HERC2: variants seen among roughly 807,000 people sequenced by gnomAD.
The protein encoded by HERC2 is E3 ubiquitin-protein ligase HERC2.
In HERC2, 102 loss-of-function variants were observed where a neutral mutation model predicts 537.7. The observed-to-expected ratio is 0.19, with a 90% CI of 0.16 to 0.22. The LOEUF is 0.22. Ranked by LOEUF, HERC2 falls within the 10% of genes least tolerant of loss-of-function variation. HERC2 has a pLI of 1.00. For missense variants in HERC2, 4,236 were observed against 6,198.2 expected (o/e 0.68, Z 10.63); for synonymous variants, 2,224 against 2,466.2 (o/e 0.90, Z 2.91).
At chr15:28,238,877 T>C (rs1902744959) in intron 23 of HERC2, 105 bp from the exon 24 acceptor site, 4 of 824,266 alleles carry the variant, frequency 4.9e-6, no homozygotes, top group Non-Finnish European at 8.5e-6. Flanking sequence ...AAACCCACAA[T>C]CACAATGGGA....
At chr15:28,131,972 A>T in intron 81 of HERC2, 128 bp downstream of exon 81, 1 of 699,750 alleles carries the variant, frequency 1.4e-6, no homozygotes, top group Non-Finnish European at 2.3e-6. Flanking sequence ...AGGAGGTTAA[A>T]GTGCTCCTAA....
intron 52 of HERC2, among the ~76,000 whole-genome samples, chr15:28,193,343 A>T (rs1418450386): frequency 6.6e-6 from 1 of 152,236 alleles, no homozygotes; most frequent in Non-Finnish European, 1.5e-5. Context: ...AAATTGAATA[A>T]TTAAAATTAA....
At chr15:28,199,589 T>C (rs999140949) in intron 48 of HERC2, among the ~76,000 whole-genome samples, 1 of 152,184 alleles carries the variant, frequency 6.6e-6, no homozygotes. Context: ...AAAATCACTA[T>C]GGTGCAGCCC....
At chr15:28,296,769 G>C (rs1372660872) in intron 3 of HERC2, among the ~76,000 whole-genome samples, 2 of 150,342 alleles carry the variant, frequency 1.3e-5, no homozygotes, top group South Asian at 2.1e-4. Flanking sequence ...TCAGCATCCA[G>C]AGGTCCAGAA....
chr15:28,269,868 T>A (rs1208914261), intron 10 of HERC2, among the ~76,000 whole-genome samples: 1 of 152,224 alleles, frequency 6.6e-6, no homozygotes, highest in South Asian at 2.1e-4. Flanking sequence ...ACTAGGTGCA[T>A]CCCCACCTGT....
rs754102243 is a variant in HERC2, at chr15:28,113,669, T to C, written c.13923A>G (p.Glu4641=). 1 of 1,613,884 alleles carries C rather than the reference T, an allele frequency of 6.2e-7. No individual in the cohort carries two copies. Among genetic ancestry groups the C allele is most frequent in the East Asian group, 2.2e-5 (1 of 44,866 alleles). ...VRLAINYRLH[E]FDEQVAAVRE... ...GAACAGCAGCCACCTGCTCATCAAA[T>C]TCATGGAGTCTGGAAGAAAAAGCTC... The change falls in exon 91 of 93, where the codon GAA becomes GAG. Residue 4641 remains glutamate (E), a synonymous_variant. Transcript: ENST00000261609. The surrounding 1 kb of genome is among the most constrained non-coding windows in gnomAD (Gnocchi z 7.0).
chr15:28,304,901 T>C (rs916344793), intron 2 of HERC2, among the ~76,000 whole-genome samples: 30 of 128,868 alleles, frequency 2.3e-4, no homozygotes, highest in Middle Eastern at 8.1e-3. Context: ...GAGTGTGATA[T>C]TCCCCTTCCT....
At position 28,260,862 on chromosome 15, in the gene HERC2, G is replaced by A; in HGVS notation, c.2231C>T (p.Thr744Ile). The A allele has an allele frequency of 6.2e-7, 1 of 1,614,220 alleles. No individual in the cohort carries two copies. Among genetic ancestry groups the A allele is most frequent in the Non-Finnish European group, 8.5e-7 (1 of 1,180,040 alleles). Residue 744 changes from threonine to isoleucine, a missense_variant, in exon 16 of 93, where the codon ACC becomes ATC. Physicochemically the swap from Thr to Ile is moderately conservative, Grantham distance 89. Transcript: ENST00000261609. ...GSNDQCQHFD[T>I]LRVTKPEPAA... ...AGGTTCTGGCTTGGTCACGCGCAAG[G>A]TGTCAAAGTGCTGGCACTGGTCGTT...
At chr15:28,138,645 G>T (rs1566933427) in intron 78 of HERC2, among the ~76,000 whole-genome samples, 1 of 152,204 alleles carries the variant, frequency 6.6e-6, no homozygotes, top group African/African-American at 2.4e-5. Context: ...GGTCGCCCAA[G>T]AGCTCTGATG....
At chr15:28,304,463 G>A (rs906476686) in intron 2 of HERC2, among the ~76,000 whole-genome samples, 1 of 151,540 alleles carries the variant, frequency 6.6e-6, no homozygotes, top group African/African-American at 2.4e-5. Context: ...CACCTCCGGG[G>A]TTCAAGTGAT....
Position 28,265,584 on chromosome 15 carries a change from T to G in HERC2, c.1870+34A>C. On this transcript the variant is annotated intron_variant, in intron 14 of 92. Transcript: ENST00000261609. This position sits in a 1 kb window ranked among gnomAD's most constrained non-coding sequence, Gnocchi z 4.0. ...AGGGAAGCTGCCATGCGTGTCCTCG[T>G]GGGCCTGTCCAGGGTGGCGAGAGCT... 4 of 1,568,298 alleles carry G rather than the reference T, an allele frequency of 2.6e-6. No homozygotes were observed. The highest frequency in any genetic ancestry group is 3.5e-6 in the Non-Finnish European group (4 of 1,139,650).
chr15:28,279,651 A>ACACACACACACACACACACACACACAC (rs2075971136), intron 5 of HERC2, among the ~76,000 whole-genome samples: 1 of 150,948 alleles, frequency 6.6e-6, no homozygotes, highest in African/African-American at 2.4e-5. Flanking sequence ...ACACACACAC[A>ACACACACACACACACACACACACACAC]AATTGTTTTT....
chr15:28,294,790 G>C (rs2076416625), intron 3 of HERC2, among the ~76,000 whole-genome samples: 1 of 151,968 alleles, frequency 6.6e-6, no homozygotes, highest in African/African-American at 2.4e-5. Flanking sequence ...CCCACCCCCA[G>C]GGCTGTGAGC....
chr15:28,303,108 T>C (rs2076679694), intron 2 of HERC2, among the ~76,000 whole-genome samples: 3 of 152,086 alleles, frequency 2.0e-5, no homozygotes, highest in South Asian at 2.1e-4. Flanking sequence ...GTCTCCCCAA[T>C]GTTTTCTTTT....
At chr15:28,194,639 A>C (rs1444981903) in intron 52 of HERC2, among the ~76,000 whole-genome samples, 1 of 152,032 alleles carries the variant, frequency 6.6e-6, no homozygotes, top group Non-Finnish European at 1.5e-5. Context: ...ATCCTTTGAC[A>C]TTTTTTGGAA....
chr15:28,177,410 T>C lies in HERC2; in HGVS notation c.9254+9A>G, dbSNP rs371614775. 7.7e-5 allele frequency: 124 copies of C among 1,612,192 alleles called. No homozygotes were observed. Among genetic ancestry groups the C allele is most frequent in the Non-Finnish European group, 1.0e-4 (120 of 1,178,320 alleles). ...TATTAGCAAATGAGACTAAAAAAAG[T>C]ACCCTTACATTCTGCTGAAGTGTCC... is the stretch of plus-strand genomic sequence containing the variant. On this transcript the variant is annotated intron_variant, in intron 60 of 92. Coordinates refer to ENST00000261609, the MANE Select transcript of HERC2 (RefSeq NM_004667.6). The surrounding 1 kb of genome is among the most constrained non-coding windows in gnomAD (Gnocchi z 5.0).
chr15:28,127,818 C>T (rs1889671419), intron 83 of HERC2, among the ~76,000 whole-genome samples: 1 of 152,154 alleles, frequency 6.6e-6, no homozygotes, highest in Non-Finnish European at 1.5e-5. Flanking sequence ...AATAAATAGA[C>T]TATATACCCC....
intron 16 of HERC2, among the ~76,000 whole-genome samples, chr15:28,258,702 C>T (rs769971800): frequency 2.6e-5 from 4 of 151,772 alleles, no homozygotes; most frequent in African/African-American, 7.3e-5. Context: ...ACAAAGTGAA[C>T]GCAAAACAAG....
intron 2 of HERC2, chr15:28,320,292 T>A (rs1357460733): frequency 2.6e-5 from 4 of 152,250 alleles, no homozygotes; most frequent in Admixed American, 2.0e-4. Context: ...TTTTGTATTT[T>A]TAGTAGAGAC....
Sources: gnomAD v4.1 joint callset for allele counts (sites outside exome capture counted in the v4.1 genomes callset) on GRCh38, gnomAD v4.1.1 for gene constraint, Gnocchi (gnomAD v3.1) non-coding constraint, MANE v1.5 for transcripts, NCBI Gene and HGNC (gene_info 2026-07-23, HGNC 2026-07-21) for gene names.